Variants in MAN1A1 observed in about 807,000 individuals in gnomAD.
MAN1A1 encodes mannosidase alpha class 1A member 1, also known as mannosyl-oligosaccharide 1,2-alpha-mannosidase IA.
In MAN1A1, 29 loss-of-function variants were observed where a neutral mutation model predicts 70.8. That is an observed-to-expected ratio of 0.41 (90% CI 0.31 to 0.56). MAN1A1 has a LOEUF of 0.56. Ranked by LOEUF, MAN1A1 falls within the 20% of genes least tolerant of loss-of-function variation. The pLI is 0.29. For synonymous variants in MAN1A1, 349 were observed against 330.1 expected, an observed-to-expected ratio of 1.06 and a Z score of -0.62; for missense variants, 747 against 841.3, an observed-to-expected ratio of 0.89 and a Z score of 1.39.
At chr6:119,310,115 T>C (rs932447028) in intron 2 of MAN1A1, among the ~76,000 whole-genome samples, 6 of 152,226 alleles carry the variant, frequency 3.9e-5, no homozygotes, top group Admixed American at 6.5e-5. Flanking sequence ...TACAACTCTA[T>C]TGTTGTTTCT....
intron 4 of MAN1A1, among the ~76,000 whole-genome samples, chr6:119,291,313 G>T (rs545156351): frequency 6.6e-6 from 1 of 151,982 alleles, no homozygotes; most frequent in Non-Finnish European, 1.5e-5. Context: ...CCAGCCATGT[G>T]AAACTGTTAA....
At chr6:119,323,770 T>C (rs1773080324) in intron 2 of MAN1A1, among the ~76,000 whole-genome samples, 1 of 152,206 alleles carries the variant, frequency 6.6e-6, no homozygotes, top group African/African-American at 2.4e-5. Flanking sequence ...GAATCTTGTA[T>C]GGACAAATCA....
chr6:119,257,470 A>T (rs1008277183), intron 5 of MAN1A1, among the ~76,000 whole-genome samples: 4 of 152,140 alleles, frequency 2.6e-5, no homozygotes, highest in Admixed American at 1.3e-4. Context: ...TGGTTATGGG[A>T]CTTTTCTGAG....
chr6:119,197,951 T>G (rs1773618551), intron 8 of MAN1A1, among the ~76,000 whole-genome samples: 1 of 152,206 alleles, frequency 6.6e-6, no homozygotes, highest in Admixed American at 6.5e-5. Flanking sequence ...TCTGTCCCCC[T>G]TCATAGCAGC....
chr6:119,215,812 A>C (rs1049073346), intron 6 of MAN1A1, among the ~76,000 whole-genome samples: 4 of 152,218 alleles, frequency 2.6e-5, no homozygotes, highest in African/African-American at 9.6e-5. Flanking sequence ...TGGAATGCCA[A>C]TGTGAAAAAT....
intron 9 of MAN1A1, 22 bp downstream of exon 9, chr6:119,193,755 G>A: frequency 6.5e-7 from 1 of 1,541,306 alleles, no homozygotes; most frequent in Non-Finnish European, 9.0e-7. Context: ...GAGTGGCAAA[G>A]ATGATTTAAA....
At chr6:119,295,714 T>C (rs1012108448) in intron 4 of MAN1A1, among the ~76,000 whole-genome samples, 1 of 152,196 alleles carries the variant, frequency 6.6e-6, no homozygotes, top group Non-Finnish European at 1.5e-5. Context: ...AATCAGAGAC[T>C]ACTCTTTTGC....
intron 5 of MAN1A1, among the ~76,000 whole-genome samples, chr6:119,252,516 G>T (rs1775345170): frequency 6.6e-6 from 1 of 152,178 alleles, no homozygotes; most frequent in Non-Finnish European, 1.5e-5. Flanking sequence ...TTTTGTGGCT[G>T]GGCACGGGGG....
intron 6 of MAN1A1, among the ~76,000 whole-genome samples, chr6:119,232,679 ATGTGTG>A (rs78960133): frequency 0.26 from 37,257 of 143,340 alleles, 5,252 homozygotes; most frequent in Non-Finnish European, 0.33. Flanking sequence ...ACACATATAT[ATGTGTG>A]TGTGTGTGTG....
chr6:119,294,959 T>C (rs1020767251), intron 4 of MAN1A1, among the ~76,000 whole-genome samples: 1 of 152,144 alleles, frequency 6.6e-6, no homozygotes, highest in African/African-American at 2.4e-5. Context: ...TTCCATATGT[T>C]TTTGTCTACT....
intron 6 of MAN1A1, among the ~76,000 whole-genome samples, chr6:119,209,122 A>G (rs1773974185): frequency 6.6e-6 from 1 of 151,684 alleles, no homozygotes; most frequent in South Asian, 2.1e-4. Flanking sequence ...TATAGGTTAC[A>G]GTGACTGTCC....
At chr6:119,250,737 C>CA (rs1354745042) in intron 5 of MAN1A1, among the ~76,000 whole-genome samples, 25 of 151,782 alleles carry the variant, frequency 1.6e-4, no homozygotes, top group Admixed American at 5.3e-4. Context: ...CATGTGTGTG[C>CA]ATTCTCAAGA....
At chr6:119,315,716 G>A (rs946645649) in intron 2 of MAN1A1, among the ~76,000 whole-genome samples, 1 of 152,196 alleles carries the variant, frequency 6.6e-6, no homozygotes. Flanking sequence ...CTTATTCATA[G>A]GTGAATATCT....
intron 4 of MAN1A1, among the ~76,000 whole-genome samples, chr6:119,301,653 A>G (rs535047543): frequency 2.6e-5 from 4 of 152,216 alleles, no homozygotes; most frequent in Non-Finnish European, 5.9e-5. Context: ...AATCTGGAGT[A>G]AGCCTCTGAG....
chr6:119,192,112 T>G (rs1773458317), intron 9 of MAN1A1, among the ~76,000 whole-genome samples: 1 of 152,180 alleles, frequency 6.6e-6, no homozygotes, highest in South Asian at 2.1e-4. Context: ...TGGGTATGGT[T>G]TTAGGAATTA....
At chr6:119,286,413 T>A (rs1776375902) in intron 5 of MAN1A1, among the ~76,000 whole-genome samples, 1 of 152,092 alleles carries the variant, frequency 6.6e-6, no homozygotes, top group South Asian at 2.1e-4. Context: ...TACTCCACAA[T>A]CCTACTCCCC....
chr6:119,275,198 C>T (rs28635805), intron 5 of MAN1A1, among the ~76,000 whole-genome samples: 6,225 of 146,806 alleles, frequency 0.042, 159 homozygotes, highest in African/African-American at 0.054. Flanking sequence ...GCAACCTCTG[C>T]CTCCCGGGTT....
chr6:119,251,986 C>G (rs1036296554), intron 5 of MAN1A1, among the ~76,000 whole-genome samples: 1 of 152,176 alleles, frequency 6.6e-6, no homozygotes, highest in Non-Finnish European at 1.5e-5. Context: ...CTTTTCCTAA[C>G]CACCCCACAC....
In MAN1A1 at chr6:119,329,565, T is replaced by C. The variant is rs1773251215; in HGVS notation, c.603+18898A>G. Among the ~76,000 whole-genome samples, 2 of 152,306 alleles carry C rather than the reference T, an allele frequency of 1.3e-5. 1 individual carries two copies. Among genetic ancestry groups the C allele is most frequent in the Admixed American group, 1.3e-4 (2 of 15,304 alleles). On this transcript the variant is annotated intron_variant, in intron 2 of 12. Transcript: ENST00000368468. The stretch of plus-strand genomic sequence containing the variant: ...ACTTGGGAACATGTGTCTTCCTTGA[T>C]AGGTCAATCTACTTGTTTGCCTTGT...
Sources: gnomAD v4.1 joint callset for allele counts (sites outside exome capture counted in the v4.1 genomes callset) on GRCh38, gnomAD v4.1.1 for gene constraint, MANE v1.5 for transcripts, NCBI Gene and HGNC (gene_info 2026-07-23, HGNC 2026-07-21) for gene names.